CAMK1G: variants seen among roughly 807,000 people sequenced by gnomAD.
CAMK1G encodes the protein calcium/calmodulin-dependent protein kinase type 1G.
In CAMK1G, 27 loss-of-function variants were observed where a neutral mutation model predicts 54.8. The observed-to-expected ratio is 0.49, with a 90% CI of 0.36 to 0.68. The LOEUF is 0.68. CAMK1G is among the 30% of genes least tolerant of loss of function. The probability of loss-of-function intolerance (pLI) is 0.00; values close to 1 mark genes in which losing one functional copy is unlikely to be tolerated. For synonymous variants in CAMK1G, 238 were observed against 224.9 expected, an observed-to-expected ratio of 1.06 and a Z score of -0.52; for missense variants, 512 against 591.0, an observed-to-expected ratio of 0.87 and a Z score of 1.39.
chr1:209,607,836 C>T (rs1208931381), intron 6 of CAMK1G, 22 bp from the exon 7 acceptor site: 12 of 1,607,668 alleles, frequency 7.5e-6, no homozygotes, highest in East Asian at 2.2e-5. Flanking sequence ...CCAGCCCTGA[C>T]TCTGCCCTTG....
rs571580870 is a variant in CAMK1G, at chr1:209,597,768, T to C, written c.93-2215T>C. On this transcript the variant is annotated intron_variant, in intron 2 of 12. Coordinates refer to ENST00000361322, the MANE Select transcript of CAMK1G (RefSeq NM_020439.3). ...AGTCCTTATAGAAGCTTGACTCCTA[T>C]TGGGCTTTCATTCTAGCATATCCAG... Among the ~76,000 whole-genome samples the C allele has an allele frequency of 6.8e-4, 103 of 152,304 alleles. 1 individual carries two copies. The highest frequency in any genetic ancestry group is 6.7e-3 in the Admixed American group (102 of 15,296).
At chr1:209,610,038 A>G in intron 9 of CAMK1G, 109 bp downstream of exon 9, 1 of 881,374 alleles carries the variant, frequency 1.1e-6, no homozygotes, top group Non-Finnish European at 1.9e-6. Context: ...GATCCATTTA[A>G]TGATGTGACA....
chr1:209,607,681 A>G (rs1665684759), intron 6 of CAMK1G, 177 bp from the exon 7 acceptor site: 1 of 554,330 alleles, frequency 1.8e-6, no homozygotes, highest in Non-Finnish European at 3.2e-6. Flanking sequence ...CTTTTCAGGA[A>G]GATTTAGTCT....
At chr1:209,603,077 T>G in intron 3 of CAMK1G, 137 bp from the exon 4 acceptor site, 1 of 719,046 alleles carries the variant, frequency 1.4e-6, no homozygotes, top group East Asian at 2.8e-5. Flanking sequence ...CTACTTATTA[T>G]GAAGGCTTCA....
At chr1:209,602,165 G>A (rs1468090401) in intron 3 of CAMK1G, among the ~76,000 whole-genome samples, 1 of 152,148 alleles carries the variant, frequency 6.6e-6, no homozygotes, top group Non-Finnish European at 1.5e-5. Flanking sequence ...TCGACATTTT[G>A]AAACAGATAA....
Position 209,607,817 on chromosome 1 carries a change from C to T in CAMK1G, c.560-41C>T, listed in dbSNP as rs766557691. 18 of 1,582,884 alleles carry T rather than the reference C, an allele frequency of 1.1e-5. No homozygotes were observed. The Admixed American group carries it at 1.9e-4, about 17-fold the overall frequency. Reference sequence around the variant, plus strand: ...TCAGCTCCCACCCCAAAGCCCTCTCCTCTTGCCACCAGCCCTGACTCTGCC... The same window carrying T: ...TCAGCTCCCACCCCAAAGCCCTCTCTTCTTGCCACCAGCCCTGACTCTGCC... On this transcript the variant is annotated intron_variant, in intron 6 of 12. Transcript: ENST00000361322.
intron 11 of CAMK1G, among the ~76,000 whole-genome samples, 195 bp downstream of exon 11, chr1:209,612,411 G>A (rs774141225): frequency 2.0e-5 from 3 of 152,184 alleles, no homozygotes; most frequent in Non-Finnish European, 4.4e-5. Context: ...GGCCATTGAC[G>A]AGTCAATGTC....
intron 9 of CAMK1G, among the ~76,000 whole-genome samples, 154 bp downstream of exon 9, chr1:209,610,083 T>G (rs1400528030): frequency 2.0e-5 from 3 of 152,076 alleles, no homozygotes; most frequent in African/African-American, 7.2e-5. Context: ...CAGGCCCAGG[T>G]AGAGATTCAA....
intron 6 of CAMK1G, among the ~76,000 whole-genome samples, chr1:209,607,522 C>T (rs1470882980): frequency 1.3e-5 from 2 of 152,152 alleles, no homozygotes; most frequent in Non-Finnish European, 2.9e-5. Flanking sequence ...CCCTGGGAAT[C>T]CCCTATCTGA....
In CAMK1G at chr1:209,609,858, C is replaced by T; in HGVS notation, c.756C>T (p.Asp252=). Residue 252 remains aspartate (D), a synonymous_variant, in exon 9 of 13, where the codon GAC becomes GAT. Coordinates refer to ENST00000361322, the MANE Select transcript of CAMK1G (RefSeq NM_020439.3). ...FWDDISESAK[D]FICHLLEKDP... is the part of the protein sequence containing the mutation. ...TTTGATTACTCCCCTTAGCCAAGGA[C>T]TTTATTTGCCACTTGCTTGAGAAGG... is the stretch of plus-strand genomic sequence containing the variant. 1.2e-6 allele frequency: 2 copies of T among 1,614,142 alleles called. No individual in the cohort carries two copies. The highest frequency in any genetic ancestry group is 1.7e-6 in the Non-Finnish European group (2 of 1,180,016).
chr1:209,602,682 C>T (rs968127455), intron 3 of CAMK1G, among the ~76,000 whole-genome samples: 8 of 152,200 alleles, frequency 5.3e-5, no homozygotes, highest in African/African-American at 1.7e-4. Context: ...TACCTACCAG[C>T]TATGTGTATA....
intron 1 of CAMK1G, among the ~76,000 whole-genome samples, chr1:209,590,155 G>A (rs1046556470): frequency 1.3e-5 from 2 of 152,230 alleles, no homozygotes; most frequent in African/African-American, 4.8e-5. Context: ...CAATATTGGA[G>A]CTTCAAGCTC....
intron 1 of CAMK1G, among the ~76,000 whole-genome samples, chr1:209,591,332 A>G (rs563611556): frequency 7.9e-5 from 12 of 152,238 alleles, no homozygotes; most frequent in Admixed American, 1.3e-4. Flanking sequence ...AACTAGGTCA[A>G]TCATGAAGGA....
intron 3 of CAMK1G, among the ~76,000 whole-genome samples, chr1:209,602,594 C>T (rs1361603821): frequency 6.6e-6 from 1 of 152,304 alleles, no homozygotes; most frequent in East Asian, 1.9e-4. Flanking sequence ...CAGCTGACCT[C>T]ATGTGACAGG....
At position 209,611,834 on chromosome 1, in the gene CAMK1G, C is replaced by G; in HGVS notation, c.958C>G (p.Leu320Val). 1.2e-6 allele frequency: 2 copies of G among 1,614,200 alleles called. No homozygotes were observed. Among genetic ancestry groups the G allele is most frequent in the Non-Finnish European group, 1.7e-6 (2 of 1,180,046 alleles). Residue 320 changes from leucine (L) to valine (V), a missense_variant, in exon 11 of 13, where the codon CTA (leucine) becomes GTA (valine). Leu to Val is a conservative substitution (Grantham distance 32, BLOSUM62 1). This residue lies in a region of CAMK1G where 315 missense variants were observed against 330.5 expected (regional missense o/e 0.95). Transcript: ENST00000361322. Reference sequence around the variant, plus strand: ...AGCTGTGGTGCACCACATGAGGAAGCTACACATGAACCTGCACAGCCCGGG... The same window carrying G: ...AGCTGTGGTGCACCACATGAGGAAGGTACACATGAACCTGCACAGCCCGGG... ...AAAVVHHMRK[L>V]HMNLHSPGVR...
Position 209,611,560 on chromosome 1 carries a change from G to A in CAMK1G, c.915+8G>A. On this transcript the variant is annotated splice_region_variant and intron_variant, in intron 10 of 12. Transcript: ENST00000361322. The stretch of plus-strand genomic sequence containing the variant: ...GCTAAGAGCAAGTGGAGGGTAAGCT[G>A]TCCTCTCCAGGGGGTGGGAAAGCTG... 6.2e-7 allele frequency: 1 copy of A among 1,610,412 alleles called. No individual in the cohort carries two copies. The highest frequency in any genetic ancestry group is 8.5e-7 in the Non-Finnish European group (1 of 1,176,734).
chr1:209,599,336 T>TAATAA lies in CAMK1G; in HGVS notation c.93-636_93-632dup, dbSNP rs1311081095. ...TAGTGAAGCCCCATCTCTAAAAAAA[T>TAATAA]AATAAAATAAAATAAGAATAAGAAT... On this transcript the variant is annotated intron_variant, in intron 2 of 12. Coordinates refer to ENST00000361322, the MANE Select transcript of CAMK1G (RefSeq NM_020439.3). Among the ~76,000 whole-genome samples the TAATAA allele has an allele frequency of 2.0e-5, 3 of 152,214 alleles. No individual in the cohort carries two copies. In the East Asian group the frequency reaches 5.8e-4, roughly 29 times the overall value.
intron 1 of CAMK1G, among the ~76,000 whole-genome samples, chr1:209,585,636 G>A (rs1022824634): frequency 6.6e-6 from 1 of 152,216 alleles, no homozygotes; most frequent in Admixed American, 6.5e-5. Context: ...GCCCCACCCA[G>A]GTGCGTGGTC....
chr1:209,593,962 T>A (rs1425426449), intron 1 of CAMK1G, among the ~76,000 whole-genome samples: 3 of 152,124 alleles, frequency 2.0e-5, no homozygotes, highest in Non-Finnish European at 4.4e-5. Flanking sequence ...CGGAGCTCAC[T>A]CTGCACCAGC....
Sources: gnomAD v4.1 joint callset for allele counts (sites outside exome capture counted in the v4.1 genomes callset) on GRCh38, gnomAD v4.1.1 for gene constraint, gnomAD v4.1.1 regional missense constraint, MANE v1.5 for transcripts, NCBI Gene and HGNC (gene_info 2026-07-23, HGNC 2026-07-21) for gene names.